PHKB: variants seen among roughly 807,000 people sequenced by gnomAD.
PHKB encodes phosphorylase kinase regulatory subunit beta, also known as phosphorylase b kinase regulatory subunit beta.
In PHKB, 122 loss-of-function variants were observed where a neutral mutation model predicts 152.1. The ratio of observed to expected loss-of-function variants is 0.80; its 90% CI spans 0.69 to 0.93. PHKB has a LOEUF of 0.93. Ranked by LOEUF, PHKB falls within the 40% of genes least tolerant of loss-of-function variation. PHKB has a pLI of 0.00. For missense variants in PHKB, 1,304 were observed against 1,328.4 expected (o/e 0.98, Z 0.29); for synonymous variants, 436 against 464.9 (o/e 0.94, Z 0.80).
intron 3 of PHKB, 27 bp from the exon 4 acceptor site, chr16:47,502,964 G>C (rs563392233): frequency 1.4e-6 from 2 of 1,445,546 alleles, no homozygotes; most frequent in Non-Finnish European, 1.9e-6. Flanking sequence ...TTTCCAATTA[G>C]TTTCATGAGT....
At position 47,536,347 on chromosome 16, in the gene PHKB, G is replaced by A. The variant is rs370616799; in HGVS notation, c.595-11086G>A. Among the ~76,000 whole-genome samples, 14 of 152,146 alleles carry A rather than the reference G, an allele frequency of 9.2e-5. No individual in the cohort carries two copies. In the South Asian group the frequency reaches 1.9e-3, roughly 20 times the overall value. On this transcript the variant is annotated intron_variant, in intron 6 of 30. Coordinates refer to ENST00000323584, the MANE Select transcript of PHKB (RefSeq NM_000293.3). Reference sequence around the variant, plus strand: ...ATTACAGGCGTGAGCCACCGCACCCGGCCGATCTTTATTTTTATATTCTAG... The same window carrying A: ...ATTACAGGCGTGAGCCACCGCACCCAGCCGATCTTTATTTTTATATTCTAG...
At chr16:47,628,028 G>A (rs535674815) in intron 14 of PHKB, among the ~76,000 whole-genome samples, 1 of 152,274 alleles carries the variant, frequency 6.6e-6, no homozygotes, top group East Asian at 1.9e-4. Context: ...GAAGTCTAAT[G>A]AGCATAAATG....
chr16:47,628,768 A>G (rs1005282781), intron 14 of PHKB, among the ~76,000 whole-genome samples: 1 of 152,194 alleles, frequency 6.6e-6, no homozygotes, highest in Non-Finnish European at 1.5e-5. Context: ...CCTGACTTCA[A>G]ACTATACTGC....
At position 47,497,474 on chromosome 16, in the gene PHKB, A is replaced by G. The variant is rs1728301874; in HGVS notation, c.152A>G (p.His51Arg). ...DNETLWDKLD[H>R]YYRIVKSTLL... ...GAAACTCTCTGGGATAAGTTGGACC[A>G]TTATTACAGAATTGGTGAGTAAAAC... The change falls in exon 2 of 31, where the codon CAT becomes CGT. Residue 51 changes from histidine to arginine, a missense_variant. Physicochemically the swap from His to Arg is conservative, Grantham distance 29. Transcript: ENST00000323584. The G allele has an allele frequency of 1.9e-6, 3 of 1,601,924 alleles. No individual in the cohort carries two copies. Among genetic ancestry groups the G allele is most frequent in the South Asian group, 1.1e-5 (1 of 90,872 alleles).
chr16:47,471,719 G>A (rs749247921), intron 1 of PHKB, among the ~76,000 whole-genome samples: 14 of 152,178 alleles, frequency 9.2e-5, no homozygotes, highest in African/African-American at 1.2e-4. Context: ...CCTGTTAAAC[G>A]GAGAATAAAC....
At chr16:47,638,124 C>T (rs990382971) in intron 14 of PHKB, among the ~76,000 whole-genome samples, 1 of 152,104 alleles carries the variant, frequency 6.6e-6, no homozygotes. Flanking sequence ...GAGGAACATG[C>T]ACATTCAGAC....
At chr16:47,573,448 A>G (rs1020467215) in intron 7 of PHKB, among the ~76,000 whole-genome samples, 2 of 152,150 alleles carry the variant, frequency 1.3e-5, no homozygotes, top group Non-Finnish European at 2.9e-5. Flanking sequence ...GAGGAGCGGA[A>G]CTGCCTCTGT....
At chr16:47,558,026 C>T (rs920792734) in intron 7 of PHKB, among the ~76,000 whole-genome samples, 1 of 151,132 alleles carries the variant, frequency 6.6e-6, no homozygotes, top group Non-Finnish European at 1.5e-5. Flanking sequence ...AAATGTGGCA[C>T]ATATACACCA....
At chr16:47,646,736 A>C (rs576342877) in intron 16 of PHKB, among the ~76,000 whole-genome samples, 4 of 152,154 alleles carry the variant, frequency 2.6e-5, no homozygotes, top group African/African-American at 9.6e-5. Flanking sequence ...ACCAATGTAA[A>C]TTGGTACATT....
chr16:47,537,171 G>C (rs564182695), intron 6 of PHKB, among the ~76,000 whole-genome samples: 45 of 152,318 alleles, frequency 3.0e-4, no homozygotes, highest in Non-Finnish European at 5.6e-4. Context: ...TGAATATGGG[G>C]TTAAAAGGAA....
chr16:47,561,920 T>C (rs1214161607), intron 7 of PHKB: 1 of 152,204 alleles, frequency 6.6e-6, no homozygotes. Flanking sequence ...AGATACCTTC[T>C]GTTGAGTGGC....
intron 14 of PHKB, chr16:47,619,478 T>A (rs1972580361): frequency 6.6e-6 from 1 of 152,204 alleles, no homozygotes; most frequent in Non-Finnish European, 1.5e-5. Flanking sequence ...TCCTTCTTTC[T>A]TCTTCCCTGT....
rs1281849439 is a variant in PHKB at position 47,689,058 on chromosome 16, T to C, written c.2648T>C (p.Met883Thr). Reference sequence around the variant, plus strand: ...TGTTTCAGGTGGATCATCCATGCCATGGAGTATGAACTTCAGATCCGTGGC... The same window carrying C: ...TGTTTCAGGTGGATCATCCATGCCACGGAGTATGAACTTCAGATCCGTGGC... Reference protein sequence around the residue: ...KIRIGWIIHAMEYELQIRGGD... With the variant: ...KIRIGWIIHATEYELQIRGGD... Residue 883 changes from methionine to threonine, a missense_variant, in exon 27 of 31, where the codon ATG becomes ACG. Coordinates refer to ENST00000323584, the MANE Select transcript of PHKB (RefSeq NM_000293.3). 3 of 1,613,976 alleles carry C rather than the reference T, an allele frequency of 1.9e-6. No individual in the cohort carries two copies. The highest frequency in any genetic ancestry group is 1.1e-5 in the South Asian group (1 of 91,084).
At chr16:47,593,847 A>G (rs1316780677) in intron 11 of PHKB, among the ~76,000 whole-genome samples, 2 of 152,210 alleles carry the variant, frequency 1.3e-5, no homozygotes, top group African/African-American at 2.4e-5. Context: ...AGTAGAAATC[A>G]TTAATACTGT....
Position 47,512,274 on chromosome 16 carries a change from C to T in PHKB, c.513+502C>T, listed in dbSNP as rs533564814. Among the ~76,000 whole-genome samples, 6 of 152,254 alleles carry T rather than the reference C, an allele frequency of 3.9e-5. No homozygotes were observed. In the South Asian group the frequency reaches 1.2e-3, roughly 32 times the overall value. On this transcript the variant is annotated intron_variant, in intron 5 of 30. Transcript: ENST00000323584. ...AGAGAAGAAAGTGAAATGGCAGCCA[C>T]CAGGGCTGAGTTAGTTGTGGCAATT...
chr16:47,640,737 C>T (rs2151726153), intron 14 of PHKB, among the ~76,000 whole-genome samples: 1 of 152,140 alleles, frequency 6.6e-6, no homozygotes, highest in Middle Eastern at 3.4e-3. Flanking sequence ...GAAAATGACT[C>T]TCGGTCCCCA....
chr16:47,519,208 A>G (rs1397945520), intron 6 of PHKB, among the ~76,000 whole-genome samples: 1 of 152,214 alleles, frequency 6.6e-6, no homozygotes, highest in South Asian at 2.1e-4. Context: ...GTTTTCTACC[A>G]TATGACCTAG....
chr16:47,502,968 C>G (rs749722460), intron 3 of PHKB, 23 bp from the exon 4 acceptor site: 34 of 1,481,944 alleles, frequency 2.3e-5, no homozygotes, highest in Admixed American at 6.7e-5. Flanking sequence ...CAATTAGTTT[C>G]ATGAGTTATC....
chr16:47,616,625 T>G (rs1972522802), intron 14 of PHKB, among the ~76,000 whole-genome samples: 1 of 145,812 alleles, frequency 6.9e-6, no homozygotes, highest in South Asian at 2.1e-4. Flanking sequence ...ATATCATATA[T>G]TAATATATGA....
Sources: allele counts gnomAD v4.1 joint callset (sites outside exome capture counted in the v4.1 genomes callset), GRCh38; gene constraint gnomAD v4.1.1; transcripts MANE v1.5; gene names NCBI Gene and HGNC (gene_info 2026-07-23, HGNC 2026-07-21).